LHX3: variants seen among roughly 807,000 people sequenced by gnomAD.
The protein encoded by LHX3 is LIM homeobox 3, also known as LIM/homeobox protein Lhx3.
In LHX3, 21 loss-of-function variants were observed where a neutral mutation model predicts 32.4. That is an observed-to-expected ratio of 0.65 (90% CI 0.46 to 0.93). The LOEUF (loss-of-function observed/expected upper bound fraction) is 0.93, where lower values mean the gene tolerates loss of function less well. Ranked by LOEUF, LHX3 falls within the 40% of genes least tolerant of loss-of-function variation. The pLI is 0.00. For synonymous variants in LHX3, 258 were observed against 246.8 expected, an observed-to-expected ratio of 1.05 and a Z score of -0.43; for missense variants, 626 against 560.0, an observed-to-expected ratio of 1.12 and a Z score of -1.19.
In LHX3 at chr9:136,200,587, A is replaced by G. The variant is rs2131036016; in HGVS notation, c.246T>C (p.Phe82=). 6.2e-7 allele frequency: 1 copy of G among 1,613,378 alleles called. No homozygotes were observed. The highest frequency in any genetic ancestry group is 1.6e-4 in the Middle Eastern group (1 of 6,062). ...GGTGAGGTTTCGGGGCTCACTTGAA[A>G]AAGTCGTCCTTGCAGTAAACGCTCT... ...RGESVYCKDD[F]FKRFGTKCAA... The change falls in exon 2 of 6, where the codon TTT becomes TTC. Residue 82 remains phenylalanine (F), a synonymous_variant. Coordinates refer to ENST00000371748, the MANE Select transcript of LHX3 (RefSeq NM_178138.6).
In LHX3 at chr9:136,202,967, G is replaced by T. The variant is rs759584117; in HGVS notation, c.79+1967C>A. On this transcript the variant is annotated intron_variant, in intron 1 of 5. Transcript: ENST00000371748. ...CCACCTCGGCGCAGGTCCGCCCTCC[G>T]CGCCAGCAGTGCTAGCAGCAGGTCG... 8 of 1,531,834 alleles carry T rather than the reference G, an allele frequency of 5.2e-6. No homozygotes were observed. In the South Asian group the frequency reaches 9.5e-5, roughly 18 times the overall value. 94.9% of individuals were successfully genotyped at this position (1,531,834 alleles called of 1,614,324 possible).
chr9:136,202,933 C>A, intron 1 of LHX3: 1 of 1,532,182 alleles, frequency 6.5e-7, no homozygotes, highest in Non-Finnish European at 8.7e-7. Context: ...AGCCACTCGG[C>A]CCGGGCACCC....
At chr9:136,200,781 C>A in intron 1 of LHX3, 28 bp from the exon 2 acceptor site, 1 of 1,612,594 alleles carries the variant, frequency 6.2e-7, no homozygotes, top group South Asian at 1.1e-5. Flanking sequence ...TTCTGGGTCA[C>A]CTCGTAGACC....
In LHX3 at chr9:136,200,683, G is replaced by T. The variant is rs757045187; in HGVS notation, c.150C>A (p.His50Gln). 1 of 1,613,616 alleles carries T rather than the reference G, an allele frequency of 6.2e-7. No individual in the cohort carries two copies. Among genetic ancestry groups the T allele is most frequent in the Admixed American group, 1.7e-5 (1 of 60,034 alleles). Residue 50 changes from histidine (H) to glutamine (Q), a missense_variant, in exon 2 of 6, where the codon CAC becomes CAA. Coordinates refer to ENST00000371748, the MANE Select transcript of LHX3 (RefSeq NM_178138.6). ...TGCACTTGAGACACTTGCTGTGCCA[G>T]TGGCGGTCCAGAGCCTTGAGGATGA... ...DRFILKALDR[H>Q]WHSKCLKCSD...
Position 136,196,300 on chromosome 9 carries a change from G to T in LHX3, c.*1025C>A, listed in dbSNP as rs1259829638. On this transcript the variant is annotated 3_prime_UTR_variant, in exon 6 of 6. Coordinates refer to ENST00000371748, the MANE Select transcript of LHX3 (RefSeq NM_178138.6). ...AAGTCTTGGAAAGAGCTGATCACCC[G>T]AGAATAAATAAAAGACACAGAACAT... 1.3e-5 allele frequency: 2 copies of T among 152,382 alleles called. No homozygotes were observed. The highest frequency in any genetic ancestry group is 1.3e-4 in the Admixed American group (2 of 15,284). 9.4% of individuals were successfully genotyped at this position (152,382 alleles called of 1,614,324 possible). A position where few individuals can be genotyped will look rare whatever the true frequency, so the allele number is the denominator to read the frequency against.
rs946447336 is a variant in LHX3, at chr9:136,201,303, A to G, written c.80-550T>C. 13 of 1,257,160 alleles carry G rather than the reference A, an allele frequency of 1.0e-5. No individual in the cohort carries two copies. The East Asian group carries it at 2.4e-4, about 23-fold the overall frequency. 77.9% of individuals were successfully genotyped at this position (1,257,160 alleles called of 1,614,324 possible). ...CGGGGTAAATATCAATGCCTTCCCC[A>G]TCATTGGGCAGCCGCAAAATTACTT... On this transcript the variant is annotated intron_variant, in intron 1 of 5. Transcript: ENST00000371748.
chr9:136,199,871 C>T lies in LHX3; in HGVS notation c.261G>A (p.Gly87=), dbSNP rs1333856580. 6.3e-7 allele frequency: 1 copy of T among 1,592,400 alleles called. No homozygotes were observed. Among genetic ancestry groups the T allele is most frequent in the East Asian group, 2.3e-5 (1 of 43,410 alleles). ...YCKDDFFKRF[G]TKCAACQLGI... ...CCAGCTGGCACGCGGCGCACTTGGT[C>T]CCGAAGCGCCTGCGGGACGCACAGG... Residue 87 remains glycine, a synonymous_variant, in exon 3 of 6, where the codon GGG becomes GGA. Transcript: ENST00000371748.
Position 136,205,118 on chromosome 9 carries a change from C to T in LHX3, c.-106G>A, listed in dbSNP as rs1831727861. On this transcript the variant is annotated 5_prime_UTR_variant, in exon 1 of 6. Transcript: ENST00000371748. ...GCCGCGTCGTGCGGGGCAGGGAGCCCGGGAGCCACTGGGCCTGGCGCTGTC... is the reference window on the plus strand; with the variant it reads ...GCCGCGTCGTGCGGGGCAGGGAGCCTGGGAGCCACTGGGCCTGGCGCTGTC... The T allele has an allele frequency of 7.3e-6, 7 of 954,048 alleles. No homozygotes were observed. In the East Asian group the frequency reaches 2.1e-4, roughly 28 times the overall value. The allele number at this position is 954,048 out of a possible 1,614,324, so 59.1% of individuals were successfully genotyped here. A position where few individuals can be genotyped will look rare whatever the true frequency, so the allele number is the denominator to read the frequency against.
chr9:136,199,237 C>T (rs1473261963), intron 3 of LHX3, among the ~76,000 whole-genome samples, 178 bp from the exon 4 acceptor site: 2 of 152,032 alleles, frequency 1.3e-5, no homozygotes, highest in African/African-American at 4.8e-5. Context: ...GGGCAGCACC[C>T]GGGCTGGGGT....
chr9:136,198,244 T>G (rs1831543917), intron 5 of LHX3, among the ~76,000 whole-genome samples: 1 of 152,200 alleles, frequency 6.6e-6, no homozygotes, highest in South Asian at 2.1e-4. Flanking sequence ...CTTCTCTCCC[T>G]GACCCCAGGT....
rs752464294 is a variant in LHX3, at chr9:136,197,407, G to A, written c.1112C>T (p.Ser371Phe). 60 of 1,609,004 alleles carry A rather than the reference G, an allele frequency of 3.7e-5. No individual in the cohort carries two copies. The highest frequency in any genetic ancestry group is 4.8e-5 in the Non-Finnish European group (56 of 1,178,630). The change falls in exon 6 of 6, where the codon TCC becomes TTC. Residue 371 changes from serine to phenylalanine, a missense_variant. Physicochemically the swap from Ser to Phe is radical, Grantham distance 155. Transcript: ENST00000371748. ...LAGNGPSSDL[S>F]TGSSGGYPDF... ...GGGGTAACCCCCGCTGCTCCCCGTG[G>A]ATAGGTCAGAACTGGGTCCGTTCCC...
chr9:136,199,838 C>T lies in LHX3; in HGVS notation c.294G>A (p.Pro98=). Residue 98 remains proline (P), a synonymous_variant, in exon 3 of 6, where the codon CCG becomes CCA. Coordinates refer to ENST00000371748, the MANE Select transcript of LHX3 (RefSeq NM_178138.6). Reference sequence around the variant, plus strand: ...GGGCGCGGCGCACCACCTGCGTGGGCGGGATGCCCAGCTGGCACGCGGCGC... The same window carrying T: ...GGGCGCGGCGCACCACCTGCGTGGGTGGGATGCCCAGCTGGCACGCGGCGC... ...TKCAACQLGI[P]PTQVVRRAQD... The T allele has an allele frequency of 6.2e-7, 1 of 1,608,352 alleles. No homozygotes were observed.
In LHX3 at chr9:136,205,020, AC is replaced by A; in HGVS notation, c.-9del. On this transcript the variant is annotated 5_prime_UTR_variant, in exon 1 of 6. Transcript: ENST00000371748. ...CCCCGTTTCCAGCAGCATCGCGGCCACCAGGCCGAGTGGCGCGAGACGCGCT... is the reference window on the plus strand; with the variant it reads ...CCCCGTTTCCAGCAGCATCGCGGCCACAGGCCGAGTGGCGCGAGACGCGCT... 6.4e-7 allele frequency: 1 copy of A among 1,573,692 alleles called. No homozygotes were observed. Among genetic ancestry groups the A allele is most frequent in the Non-Finnish European group, 8.6e-7 (1 of 1,165,394 alleles).
At chr9:136,202,735 C>A (rs985748368) in intron 1 of LHX3, among the ~76,000 whole-genome samples, 1 of 152,190 alleles carries the variant, frequency 6.6e-6, no homozygotes, top group Non-Finnish European at 1.5e-5. Flanking sequence ...GCCGGAGCAG[C>A]GCAGTGCCAC....
At chr9:136,200,955 G>A (rs1240036364) in intron 1 of LHX3, among the ~76,000 whole-genome samples, 1 of 152,228 alleles carries the variant, frequency 6.6e-6, no homozygotes, top group African/African-American at 2.4e-5. Context: ...CGCATCCTAT[G>A]TCAGGAGCTA....
intron 5 of LHX3, 28 bp from the exon 6 acceptor site, chr9:136,197,771 C>A (rs1417096010): frequency 5.0e-6 from 8 of 1,596,930 alleles, no homozygotes; most frequent in Non-Finnish European, 6.8e-6. Flanking sequence ...GCTCAGTCAG[C>A]GCCTGCCCTC....
chr9:136,200,527 C>A, intron 2 of LHX3, 55 bp downstream of exon 2: 1 of 1,574,404 alleles, frequency 6.4e-7, no homozygotes, highest in Admixed American at 1.7e-5. Context: ...GGGGAGGAGT[C>A]CCTGGGGCAG....
At chr9:136,201,753 A>G in intron 1 of LHX3, 1 of 965,626 alleles carries the variant, frequency 1.0e-6, no homozygotes, top group Non-Finnish European at 1.2e-6. Context: ...CAGTGGCGGG[A>G]AACCGGCGAT....
intron 1 of LHX3, chr9:136,201,479 G>A: frequency 8.3e-7 from 1 of 1,206,466 alleles, no homozygotes; most frequent in Non-Finnish European, 1.0e-6. Flanking sequence ...AACCACACTG[G>A]GGAGGTCCAA....
Sources: allele counts gnomAD v4.1 joint callset (sites outside exome capture counted in the v4.1 genomes callset), GRCh38; gene constraint gnomAD v4.1.1; transcripts MANE v1.5; gene names NCBI Gene and HGNC (gene_info 2026-07-23, HGNC 2026-07-21).